The following RNF220 variants were observed in gnomAD, a reference collection of about 807,000 sequenced individuals.
RNF220 encodes the protein E3 ubiquitin-protein ligase RNF220.
In RNF220, 7 loss-of-function variants were observed where a neutral mutation model predicts 67.1. The ratio of observed to expected loss-of-function variants is 0.10; its 90% CI spans 0.06 to 0.20. RNF220 has a LOEUF of 0.20. Among genes scored for constraint, RNF220 ranks in the 10% least tolerant of loss-of-function variants. RNF220 has a pLI of 1.00. For missense variants in RNF220, 565 were observed against 740.3 expected (o/e 0.76, Z 2.75); for synonymous variants, 270 against 283.2 (o/e 0.95, Z 0.47).
At chr1:44,519,221 T>C (rs1481916322) in intron 2 of RNF220, among the ~76,000 whole-genome samples, 1 of 152,200 alleles carries the variant, frequency 6.6e-6, no homozygotes, top group East Asian at 1.9e-4. Flanking sequence ...CAATGAGAAG[T>C]TTATTCATTC....
chr1:44,479,051 G>T (rs999828469), intron 2 of RNF220, among the ~76,000 whole-genome samples: 5 of 151,670 alleles, frequency 3.3e-5, no homozygotes, highest in Non-Finnish European at 5.9e-5. Context: ...ATCTTCAATA[G>T]TCTCTGTTTC....
At chr1:44,563,458 G>A (rs1205197374) in intron 2 of RNF220, among the ~76,000 whole-genome samples, 1 of 152,224 alleles carries the variant, frequency 6.6e-6, no homozygotes, top group Non-Finnish European at 1.5e-5. Context: ...TCCACCCAGG[G>A]AGATGGGGCC....
chr1:44,584,994 C>T (rs541081368), intron 2 of RNF220, among the ~76,000 whole-genome samples: 5 of 152,324 alleles, frequency 3.3e-5, no homozygotes, highest in Admixed American at 1.3e-4. Flanking sequence ...CCACCACGCC[C>T]AGCCCAGAAG....
At chr1:44,637,240 A>C (rs1339945859) in intron 8 of RNF220, among the ~76,000 whole-genome samples, 2 of 152,248 alleles carry the variant, frequency 1.3e-5, no homozygotes, top group East Asian at 3.9e-4. Flanking sequence ...CTAAGAGCCC[A>C]GATGAGACAT....
At chr1:44,527,555 C>G (rs1418558080) in intron 2 of RNF220, among the ~76,000 whole-genome samples, 2 of 151,922 alleles carry the variant, frequency 1.3e-5, no homozygotes, top group South Asian at 4.1e-4. Context: ...TCCAGGAGTT[C>G]AAGACCAGCC....
chr1:44,524,042 C>G (rs1233163681), intron 2 of RNF220, among the ~76,000 whole-genome samples: 1 of 151,926 alleles, frequency 6.6e-6, no homozygotes, highest in Non-Finnish European at 1.5e-5. Flanking sequence ...AAGGGGGAGA[C>G]TCCCCCTGCC....
chr1:44,615,300 T>C (rs1462698298), intron 3 of RNF220, among the ~76,000 whole-genome samples: 1 of 152,170 alleles, frequency 6.6e-6, no homozygotes, highest in East Asian at 1.9e-4. Context: ...TTCCACTGTA[T>C]TCTATTGATT....
In RNF220 at chr1:44,509,611, G is replaced by A. The variant is rs146124930; in HGVS notation, c.625+96889G>A. ...AGAAAAAGAAAATACGCATAGGCTG[G>A]GTGCAGTGGCTCACACCTGTAATCC... On this transcript the variant is annotated intron_variant, in intron 2 of 14. Coordinates refer to ENST00000361799, the MANE Select transcript of RNF220 (RefSeq NM_018150.4). Among the ~76,000 whole-genome samples, 603 of 151,512 alleles carry A rather than the reference G, an allele frequency of 4.0e-3. 11 individuals are homozygous for A. Among genetic ancestry groups the A allele is most frequent in the Non-Finnish European group, 2.9e-3 (200 of 67,836 alleles).
chr1:44,536,585 T>C (rs892079901), intron 2 of RNF220, among the ~76,000 whole-genome samples: 5 of 152,214 alleles, frequency 3.3e-5, no homozygotes, highest in African/African-American at 1.2e-4. Flanking sequence ...CCTCTGGGGC[T>C]GCGGAGCTGG....
intron 2 of RNF220, among the ~76,000 whole-genome samples, chr1:44,474,545 C>A (rs185550791): frequency 1.1e-3 from 169 of 151,422 alleles, no homozygotes; most frequent in Non-Finnish European, 1.7e-3. Flanking sequence ...CCTGTCTCTT[C>A]AGAAAATTTA....
chr1:44,642,384 T>A (rs1228421480), intron 8 of RNF220, among the ~76,000 whole-genome samples: 1 of 152,198 alleles, frequency 6.6e-6, no homozygotes, highest in Non-Finnish European at 1.5e-5. Flanking sequence ...GTTCTTTCCT[T>A]TAGCAGGGAT....
intron 8 of RNF220, 86 bp from the exon 9 acceptor site, chr1:44,644,612 A>G: frequency 9.6e-7 from 1 of 1,039,280 alleles, no homozygotes; most frequent in Middle Eastern, 2.6e-4. Context: ...TCAGGTCCAA[A>G]GCCTAACCCC....
At position 44,412,196 on chromosome 1, in the gene RNF220, G is replaced by A. The variant is rs777386157; in HGVS notation, c.99G>A (p.Glu33=). 3 of 1,614,208 alleles carry A rather than the reference G, an allele frequency of 1.9e-6. No individual in the cohort carries two copies. The Admixed American group carries it at 5.0e-5, about 27-fold the overall frequency. Reference sequence around the variant, plus strand: ...TGATGGTCCTGGCATCCACGGCTGAGGCCAGCCGTGATGCTTCCATCCCTT... The same window carrying A: ...TGATGGTCCTGGCATCCACGGCTGAAGCCAGCCGTGATGCTTCCATCCCTT... The part of the protein sequence containing the change: ...PALMVLASTA[E]ASRDASIPCQ... Residue 33 remains glutamate (E), a synonymous_variant, in exon 2 of 15, where the codon GAG becomes GAA. Coordinates refer to ENST00000361799, the MANE Select transcript of RNF220 (RefSeq NM_018150.4). The surrounding 1 kb of genome is among the most constrained non-coding windows in gnomAD (Gnocchi z 5.3).
intron 12 of RNF220, among the ~76,000 whole-genome samples, chr1:44,646,755 G>A (rs1267101861): frequency 3.9e-5 from 6 of 152,230 alleles, no homozygotes; most frequent in African/African-American, 7.2e-5. Flanking sequence ...ACAGGCACCC[G>A]TAGGCAGGGA....
intron 5 of RNF220, among the ~76,000 whole-genome samples, chr1:44,630,832 G>A (rs946947270): frequency 3.9e-5 from 6 of 152,250 alleles, no homozygotes; most frequent in South Asian, 2.1e-4. Context: ...GAGAATAGGA[G>A]TGAGAGAAGA....
chr1:44,418,272 T>C (rs1648806146), intron 2 of RNF220, among the ~76,000 whole-genome samples: 1 of 151,838 alleles, frequency 6.6e-6, no homozygotes, highest in South Asian at 2.1e-4. Flanking sequence ...GGGAGGAGGT[T>C]GGGGGAGCAG....
intron 2 of RNF220, among the ~76,000 whole-genome samples, chr1:44,578,586 A>C (rs571974375): frequency 6.6e-5 from 10 of 152,302 alleles, no homozygotes; most frequent in African/African-American, 2.2e-4. Context: ...TGGATCCCAG[A>C]ACACTTCAGG....
chr1:44,554,138 G>C (rs922659647), intron 2 of RNF220, among the ~76,000 whole-genome samples: 5 of 152,160 alleles, frequency 3.3e-5, no homozygotes, highest in African/African-American at 1.2e-4. Flanking sequence ...GAAGGGTGAT[G>C]TGTGTATCTG....
intron 2 of RNF220, among the ~76,000 whole-genome samples, chr1:44,554,349 C>T (rs1662901935): frequency 6.6e-6 from 1 of 152,028 alleles, no homozygotes; most frequent in African/African-American, 2.4e-5. Context: ...TTGAGGAATG[C>T]TTGCCACTGC....
Sources: allele counts gnomAD v4.1 joint callset (sites outside exome capture counted in the v4.1 genomes callset), GRCh38; gene constraint gnomAD v4.1.1; non-coding constraint Gnocchi (gnomAD v3.1); transcripts MANE v1.5; gene names NCBI Gene and HGNC (gene_info 2026-07-23, HGNC 2026-07-21).